Variants in CCDC192 observed in about 807,000 individuals in gnomAD.
CCDC192 encodes coiled-coil domain-containing protein 192.
rs187751427 is a variant in CCDC192 at position 127,814,492 on chromosome 5, T to C, written c.411+16330T>C. ...CCATGTTGAGTTAAAGTGATTGTTG[T>C]GGATAAAAGCTTCACTGAATGGAAA... is the stretch of plus-strand genomic sequence containing the variant. On this transcript the variant is annotated intron_variant, in intron 5 of 6. Transcript: ENST00000514853. Among the ~76,000 whole-genome samples the C allele has an allele frequency of 6.6e-5, 10 of 152,276 alleles. No individual in the cohort carries two copies. In the East Asian group the frequency reaches 1.9e-3, roughly 29 times the overall value.
intron 2 of CCDC192, among the ~76,000 whole-genome samples, chr5:127,753,037 G>A (rs944006469): frequency 4.6e-5 from 7 of 152,150 alleles, no homozygotes; most frequent in African/African-American, 9.7e-5. Context: ...AGATGAACCC[G>A]GTACCTCAGA....
intron 5 of CCDC192, among the ~76,000 whole-genome samples, chr5:127,822,548 A>C (rs1580711521): frequency 6.6e-6 from 1 of 152,194 alleles, no homozygotes; most frequent in African/African-American, 2.4e-5. Flanking sequence ...AAAACAGACT[A>C]TGAAAAGGGA....
chr5:127,741,557 A>G (rs1753420970), intron 2 of CCDC192, among the ~76,000 whole-genome samples: 1 of 152,082 alleles, frequency 6.6e-6, no homozygotes, highest in Admixed American at 6.6e-5. Flanking sequence ...TTGATAAGAG[A>G]ATTCACAGAT....
intron 6 of CCDC192, among the ~76,000 whole-genome samples, chr5:127,886,820 A>G (rs1202393377): frequency 2.0e-5 from 3 of 152,162 alleles, no homozygotes; most frequent in Non-Finnish European, 4.4e-5. Context: ...TCAATGGTAA[A>G]TTGATTGATT....
At chr5:127,789,982 A>G (rs544229350) in intron 3 of CCDC192, among the ~76,000 whole-genome samples, 1 of 152,246 alleles carries the variant, frequency 6.6e-6, no homozygotes. Flanking sequence ...ACCCTGGGGG[A>G]GAGATCACCA....
chr5:127,744,839 A>G (rs943488960), intron 2 of CCDC192, among the ~76,000 whole-genome samples: 3 of 152,230 alleles, frequency 2.0e-5, no homozygotes, highest in Non-Finnish European at 2.9e-5. Flanking sequence ...CAAAGCATTT[A>G]CCTGCTTTAC....
chr5:127,933,383 C>T (rs767467690), intron 6 of CCDC192, among the ~76,000 whole-genome samples: 1 of 152,042 alleles, frequency 6.6e-6, no homozygotes. Flanking sequence ...AAATACTAGG[C>T]GAGAGGGAAT....
intron 6 of CCDC192, among the ~76,000 whole-genome samples, chr5:127,928,725 T>A (rs1435293707): frequency 6.6e-6 from 1 of 152,172 alleles, no homozygotes; most frequent in Non-Finnish European, 1.5e-5. Flanking sequence ...TGCTCTACAT[T>A]TTATATAAGT....
intron 2 of CCDC192, among the ~76,000 whole-genome samples, chr5:127,725,429 T>C (rs975666284): frequency 1.3e-5 from 2 of 152,212 alleles, no homozygotes; most frequent in Admixed American, 6.5e-5. Context: ...AGTAGCCAAA[T>C]TGAAAATTTT....
intron 6 of CCDC192, among the ~76,000 whole-genome samples, chr5:127,918,214 TGTAAAAA>T (rs1753583629): frequency 3.5e-5 from 4 of 113,144 alleles, no homozygotes; most frequent in African/African-American, 2.7e-4. Context: ...ACCTTCAATT[TGTAAAAA>T]AAAAAAAAAA....
intron 3 of CCDC192, chr5:127,786,254 C>G: frequency 1.5e-6 from 1 of 685,818 alleles, no homozygotes; most frequent in Non-Finnish European, 2.7e-6. Context: ...AGCACACAAG[C>G]CTCTGCCTTA....
intron 3 of CCDC192, chr5:127,786,288 C>A (rs1756531363): frequency 3.2e-6 from 2 of 634,378 alleles, no homozygotes; most frequent in South Asian, 3.6e-5. Flanking sequence ...TAACTGGGTT[C>A]TGCTGCAAGA....
intron 5 of CCDC192, among the ~76,000 whole-genome samples, chr5:127,862,928 TAA>T (rs34046354): frequency 0.66 from 88,872 of 133,940 alleles, 29,150 homozygotes; most frequent in Non-Finnish European, 0.69. Context: ...TTCCTTTATT[TAA>T]AAAAAAAAAA....
At chr5:127,834,299 T>C (rs144104209) in intron 5 of CCDC192, among the ~76,000 whole-genome samples, 180 of 152,288 alleles carry the variant, frequency 1.2e-3, no homozygotes, top group African/African-American at 3.9e-3. Context: ...TCATCACTTG[T>C]CTAAAAAATG....
intron 5 of CCDC192, among the ~76,000 whole-genome samples, chr5:127,858,674 C>A (rs1359592290): frequency 2.0e-5 from 3 of 152,226 alleles, no homozygotes; most frequent in Non-Finnish European, 4.4e-5. Flanking sequence ...TGGCTTCATA[C>A]ATCGCTGCAT....
intron 6 of CCDC192, among the ~76,000 whole-genome samples, chr5:127,895,000 T>A (rs1007370330): frequency 2.6e-5 from 4 of 152,232 alleles, no homozygotes; most frequent in Non-Finnish European, 5.9e-5. Flanking sequence ...TCCCTGCAAC[T>A]TTTATTTTGA....
intron 5 of CCDC192, among the ~76,000 whole-genome samples, chr5:127,809,080 G>A (rs989139998): frequency 6.6e-6 from 1 of 152,106 alleles, no homozygotes; most frequent in African/African-American, 2.4e-5. Flanking sequence ...GATACAGCCT[G>A]TTACTTTATG....
chr5:127,753,987 A>C (rs1243007261), intron 2 of CCDC192, among the ~76,000 whole-genome samples: 1 of 152,224 alleles, frequency 6.6e-6, no homozygotes, highest in Non-Finnish European at 1.5e-5. Context: ...AAAGTTTCAA[A>C]GTAGTCAAAT....
At chr5:127,808,694 C>A (rs1164051025) in intron 5 of CCDC192, among the ~76,000 whole-genome samples, 1 of 152,172 alleles carries the variant, frequency 6.6e-6, no homozygotes, top group East Asian at 1.9e-4. Context: ...CCCTAAAGGG[C>A]AAGCCTTTCT....
Sources: gnomAD v4.1 joint callset for allele counts (sites outside exome capture counted in the v4.1 genomes callset) on GRCh38, gnomAD v4.1.1 for gene constraint, MANE v1.5 for transcripts, NCBI Gene and HGNC (gene_info 2026-07-23, HGNC 2026-07-21) for gene names.